The following LSM14A variants were observed in gnomAD, a reference collection of about 807,000 sequenced individuals.
The protein encoded by LSM14A is protein LSM14 homolog A.
In LSM14A, 14 loss-of-function variants were observed where a neutral mutation model predicts 52.4. The observed-to-expected ratio is 0.27, with a 90% CI of 0.18 to 0.42. The LOEUF is 0.42. LSM14A is among the 10% of genes least tolerant of loss of function. The pLI is 1.00. For missense variants in LSM14A, 417 were observed against 581.8 expected, an observed-to-expected ratio of 0.72 and a Z score of 2.91; for synonymous variants, 185 against 200.3, an observed-to-expected ratio of 0.92 and a Z score of 0.64.
chr19:34,188,443 CAT>C (rs2070098498), intron 1 of LSM14A, among the ~76,000 whole-genome samples: 1 of 152,284 alleles, frequency 6.6e-6, no homozygotes, highest in Non-Finnish European at 1.5e-5. Context: ...TGTGTGCGCA[CAT>C]GTGTGTTTGA....
intron 3 of LSM14A, among the ~76,000 whole-genome samples, chr19:34,202,492 C>CA (rs113672361): frequency 0.014 from 1,288 of 90,346 alleles, 11 homozygotes; most frequent in East Asian, 0.039. Context: ...GACTGTGTCT[C>CA]AAAAAAAAAA....
chr19:34,172,741 C>G lies in LSM14A; in HGVS notation c.99C>G (p.Asn33Lys). The change falls in exon 1 of 10, where the codon AAC (asparagine) becomes AAG (lysine). Residue 33 changes from asparagine to lysine, a missense_variant. Asn to Lys is a moderately conservative substitution (Grantham distance 94). This residue lies in a region of LSM14A where 60 missense variants were observed against 124.8 expected (regional missense o/e 0.48). Coordinates refer to ENST00000544216, the MANE Select transcript of LSM14A (RefSeq NM_015578.4). ...EGILYTIDTE[N>K]STVALAKVRS... ...TCCTCTACACCATCGACACCGAAAA[C>G]TCCACCGTAGCCCTTGCCAAAGGTA... 1 of 1,576,334 alleles carries G rather than the reference C, an allele frequency of 6.3e-7. No individual in the cohort carries two copies. Among genetic ancestry groups the G allele is most frequent in the Non-Finnish European group, 8.6e-7 (1 of 1,163,060 alleles).
At chr19:34,198,995 A>G (rs1031433103) in intron 3 of LSM14A, among the ~76,000 whole-genome samples, 1 of 152,094 alleles carries the variant, frequency 6.6e-6, no homozygotes, top group Non-Finnish European at 1.5e-5. Flanking sequence ...TCAATAAAAC[A>G]ACAAAAAAAA....
At position 34,227,368 on chromosome 19, in the gene LSM14A, G is replaced by C. The variant is rs2073396349; in HGVS notation, c.1372G>C (p.Asp458His). 6.3e-7 allele frequency: 1 copy of C among 1,595,536 alleles called. No individual in the cohort carries two copies. The highest frequency in any genetic ancestry group is 8.5e-7 in the Non-Finnish European group (1 of 1,172,474). Residue 458 changes from aspartate (D) to histidine (H), a missense_variant, in exon 10 of 10, where the codon GAC (aspartate) becomes CAC (histidine). Asp to His is a moderately conservative substitution (Grantham distance 81, BLOSUM62 -1). This residue lies in a region of LSM14A where 357 missense variants were observed against 457.0 expected (regional missense o/e 0.78). Coordinates refer to ENST00000544216, the MANE Select transcript of LSM14A (RefSeq NM_015578.4). ...REFADFEYRK[D>H]NKVAA ...TAAATTTTTTTTTCTTTTTTAGAAA[G>C]ACAACAAAGTTGCTGCATAGTCTAC... is the stretch of plus-strand genomic sequence containing the variant.
intron 4 of LSM14A, 51 bp downstream of exon 4, chr19:34,209,102 T>G: frequency 6.8e-7 from 1 of 1,470,696 alleles, no homozygotes; most frequent in Non-Finnish European, 9.2e-7. Flanking sequence ...TTATAGTGGT[T>G]TTTGTCTTTC....
At chr19:34,206,882 T>G (rs1328106229) in intron 3 of LSM14A, among the ~76,000 whole-genome samples, 3 of 152,138 alleles carry the variant, frequency 2.0e-5, no homozygotes, top group Non-Finnish European at 1.5e-5. Flanking sequence ...TGACAAAGAT[T>G]TATCTCAGGA....
chr19:34,184,418 T>A (rs1748435960), intron 1 of LSM14A, among the ~76,000 whole-genome samples: 1 of 152,232 alleles, frequency 6.6e-6, no homozygotes, highest in Non-Finnish European at 1.5e-5. Context: ...TCTTGCATTT[T>A]TAGAAACCTT....
In LSM14A at chr19:34,219,709, A is replaced by G. The variant is rs776239329; in HGVS notation, c.968A>G (p.Asp323Gly). The G allele has an allele frequency of 1.9e-6, 3 of 1,605,184 alleles. No individual in the cohort carries two copies. The Admixed American group carries it at 5.2e-5, about 28-fold the overall frequency. Residue 323 changes from aspartate (D) to glycine (G), a missense_variant, in exon 8 of 10, where the codon GAT (aspartate) becomes GGT (glycine). Asp to Gly is a moderately conservative substitution (Grantham distance 94, BLOSUM62 -1). Coordinates refer to ENST00000544216, the MANE Select transcript of LSM14A (RefSeq NM_015578.4). ...TGATATGTGCTTTTGTTCTTAGAAG[A>G]TAAACTTGAGAAACAGGAGAAGCCT... ...EFHNKLKLKEDKLEKQEKPVN... is the reference protein window; with the variant it reads ...EFHNKLKLKEGKLEKQEKPVN...
At chr19:34,221,210 G>A in intron 8 of LSM14A, 2 of 328,302 alleles carry the variant, frequency 6.1e-6, no homozygotes, top group South Asian at 4.9e-5. Context: ...AACCCCCCAA[G>A]TAGCTGGGAT....
chr19:34,211,656 G>A (rs778652265), intron 4 of LSM14A, among the ~76,000 whole-genome samples: 1 of 151,914 alleles, frequency 6.6e-6, no homozygotes, highest in Non-Finnish European at 1.5e-5. Context: ...GAGTATGATG[G>A]TGGACACCTG....
intron 1 of LSM14A, among the ~76,000 whole-genome samples, chr19:34,183,263 A>T (rs565206826): frequency 6.6e-6 from 1 of 152,210 alleles, no homozygotes; most frequent in South Asian, 2.1e-4. Flanking sequence ...TAAAAAATAC[A>T]TAAACCCGGC....
intron 4 of LSM14A, among the ~76,000 whole-genome samples, chr19:34,210,235 CTTACTG>C (rs778308973): frequency 2.0e-5 from 3 of 151,652 alleles, no homozygotes; most frequent in Non-Finnish European, 2.9e-5. Flanking sequence ...TGAAATAGTT[CTTACTG>C]TTACTCATAT....
intron 1 of LSM14A, among the ~76,000 whole-genome samples, chr19:34,189,054 GGACTGT>G (rs2070155228): frequency 6.6e-6 from 1 of 152,122 alleles, no homozygotes; most frequent in Non-Finnish European, 1.5e-5. Context: ...CCCACTTGCT[GGACTGT>G]AACTTCCCTG....
At chr19:34,192,728 A>G (rs1168730514) in intron 1 of LSM14A, among the ~76,000 whole-genome samples, 1 of 149,988 alleles carries the variant, frequency 6.7e-6, no homozygotes, top group Admixed American at 6.7e-5. Flanking sequence ...TGATGCCAGC[A>G]CTTTGGGAAG....
At position 34,227,824 on chromosome 19, in the gene LSM14A, GTGTGTA is replaced by G. The variant is rs755853924; in HGVS notation, c.*442_*447del. On this transcript the variant is annotated 3_prime_UTR_variant, in exon 10 of 10. Coordinates refer to ENST00000544216, the MANE Select transcript of LSM14A (RefSeq NM_015578.4). ...TGTGTGTGTGTGTGTGTGTGTGTGT[GTGTGTA>G]TGTGTGTGTCTTTTTCCTCCTTTCT... 0.023 allele frequency: 3,646 copies of G among 156,200 alleles called. 159 individuals carry two copies. The highest frequency in any genetic ancestry group is 0.12 in the Admixed American group (1,801 of 15,058). 9.7% of individuals were successfully genotyped at this position (156,200 alleles called of 1,614,324 possible).
chr19:34,221,566 C>T lies in LSM14A; in HGVS notation c.1196C>T (p.Pro399Leu), dbSNP rs1211528975. The T allele has an allele frequency of 6.2e-7, 1 of 1,614,126 alleles. No individual in the cohort carries two copies. The highest frequency in any genetic ancestry group is 1.1e-5 in the South Asian group (1 of 91,066). Reference sequence around the variant, plus strand: ...TTAAATGCTGAAACATTTGGAATCCCACTTCGTCCAAACCGTGGCCGTGGG... The same window carrying T: ...TTAAATGCTGAAACATTTGGAATCCTACTTCGTCCAAACCGTGGCCGTGGG... The part of the protein sequence containing the change: ...RRLNAETFGI[P>L]LRPNRGRGGY... The change falls in exon 9 of 10, where the codon CCA (proline) becomes CTA (leucine). Residue 399 changes from proline to leucine, a missense_variant. Around this residue, in one of 2 missense-constraint regions of LSM14A, gnomAD observed 357 missense variants for 457.0 expected, o/e 0.78. Coordinates refer to ENST00000544216, the MANE Select transcript of LSM14A (RefSeq NM_015578.4).
rs182760239 is a variant in LSM14A, at chr19:34,189,525, A to G, written c.122-4953A>G. Among the ~76,000 whole-genome samples, 534 of 152,276 alleles carry G rather than the reference A, an allele frequency of 3.5e-3. 1 individual carries two copies. The highest frequency in any genetic ancestry group is 0.012 in the African/African-American group (515 of 41,560). ...ATGTTCAGCTTAAAACTCCAGTCAC[A>G]TTACCTATGGGTATTTACATTGGAA... On this transcript the variant is annotated intron_variant, in intron 1 of 9. Coordinates refer to ENST00000544216, the MANE Select transcript of LSM14A (RefSeq NM_015578.4).
At chr19:34,201,789 C>T (rs930284528) in intron 3 of LSM14A, among the ~76,000 whole-genome samples, 13 of 152,040 alleles carry the variant, frequency 8.6e-5, no homozygotes, top group Admixed American at 6.6e-5. Context: ...TATATATTTA[C>T]GTTTTCGTGT....
At chr19:34,185,303 C>T (rs576274863) in intron 1 of LSM14A, among the ~76,000 whole-genome samples, 1 of 152,254 alleles carries the variant, frequency 6.6e-6, no homozygotes, top group East Asian at 1.9e-4. Flanking sequence ...GAGAATATTG[C>T]AGACACAAGG....
Sources: allele counts gnomAD v4.1 joint callset (sites outside exome capture counted in the v4.1 genomes callset), GRCh38; gene constraint gnomAD v4.1.1; regional missense constraint gnomAD v4.1.1; transcripts MANE v1.5; gene names NCBI Gene and HGNC (gene_info 2026-07-23, HGNC 2026-07-21).